The following MAGI2 variants were observed in gnomAD, a reference collection of about 807,000 sequenced individuals.
The protein encoded by MAGI2 is membrane-associated guanylate kinase, WW and PDZ domain-containing protein 2.
Under a neutral mutation model 133.3 loss-of-function variants are expected in MAGI2, and 35 were observed. The observed-to-expected ratio is 0.26, with a 90% CI of 0.20 to 0.35. MAGI2 has a LOEUF of 0.35. MAGI2 is among the 10% of genes least tolerant of loss of function. The pLI, the probability that MAGI2 is intolerant of heterozygous loss-of-function variation, is 1.00. For synonymous variants in MAGI2, 729 were observed against 710.6 expected (o/e 1.03, Z -0.41); for missense variants, 1,636 against 1,863.4 (o/e 0.88, Z 2.25).
At chr7:78,506,564 G>T (rs896993052) in intron 4 of MAGI2, among the ~76,000 whole-genome samples, 2 of 152,174 alleles carry the variant, frequency 1.3e-5, no homozygotes, top group African/African-American at 4.8e-5. Flanking sequence ...GGAAAGGGCA[G>T]CCATGGAAGC....
At chr7:79,182,681 G>C (rs948465549) in intron 1 of MAGI2, among the ~76,000 whole-genome samples, 1 of 151,906 alleles carries the variant, frequency 6.6e-6, no homozygotes, top group South Asian at 2.1e-4. Flanking sequence ...ATCCCACTAA[G>C]AGTACGTCCA....
chr7:78,940,937 T>C (rs1201670952), intron 2 of MAGI2: 3 of 152,194 alleles, frequency 2.0e-5, no homozygotes, highest in African/African-American at 7.2e-5. Context: ...TGTGTCTTCA[T>C]TCGTACATAG....
intron 1 of MAGI2, chr7:79,012,175 T>C (rs1197645175): frequency 1.3e-5 from 2 of 152,138 alleles, no homozygotes; most frequent in East Asian, 3.9e-4. Context: ...CCATAATTTC[T>C]CCCTCTTGGA....
intron 1 of MAGI2, among the ~76,000 whole-genome samples, chr7:79,396,827 A>G (rs556841565): frequency 2.0e-5 from 3 of 152,276 alleles, no homozygotes; most frequent in African/African-American, 4.8e-5. Flanking sequence ...ATTCATATAC[A>G]TTATACTTCT....
chr7:78,791,223 A>G (rs1264992989), intron 2 of MAGI2, among the ~76,000 whole-genome samples: 1 of 152,184 alleles, frequency 6.6e-6, no homozygotes, highest in Non-Finnish European at 1.5e-5. Context: ...CACAAAAAGA[A>G]AAAGAGAGAG....
intron 2 of MAGI2, among the ~76,000 whole-genome samples, chr7:78,655,008 A>G (rs1399641530): frequency 6.6e-6 from 1 of 151,828 alleles, no homozygotes; most frequent in East Asian, 1.9e-4. Flanking sequence ...CTGTTTCAGG[A>G]TAAATGCTTG....
At chr7:78,915,492 G>T (rs1425193525) in intron 2 of MAGI2, among the ~76,000 whole-genome samples, 1 of 151,584 alleles carries the variant, frequency 6.6e-6, no homozygotes, top group African/African-American at 2.4e-5. Flanking sequence ...TACACACATA[G>T]GAAAAACCTA....
At chr7:78,996,190 C>T (rs566780575) in intron 2 of MAGI2, among the ~76,000 whole-genome samples, 7 of 152,130 alleles carry the variant, frequency 4.6e-5, no homozygotes, top group Non-Finnish European at 7.4e-5. Flanking sequence ...TATAAATATG[C>T]ATATATCTTA....
chr7:78,937,382 TAGAAAC>T (rs1438881267), intron 2 of MAGI2, among the ~76,000 whole-genome samples: 2 of 152,064 alleles, frequency 1.3e-5, no homozygotes, highest in African/African-American at 4.8e-5. Context: ...AGACAAATGA[TAGAAAC>T]AGAAAATCAC....
intron 9 of MAGI2, among the ~76,000 whole-genome samples, chr7:78,272,776 T>C (rs1181445238): frequency 1.3e-5 from 2 of 152,198 alleles, no homozygotes; most frequent in East Asian, 1.9e-4. Flanking sequence ...TGCTTTTTTT[T>C]GCTTTCCATT....
intron 9 of MAGI2, among the ~76,000 whole-genome samples, chr7:78,277,268 T>A (rs749475565): frequency 3.9e-5 from 6 of 152,210 alleles, no homozygotes; most frequent in Admixed American, 6.5e-5. Flanking sequence ...TATGATTCAA[T>A]GTGTAATTCC....
chr7:78,439,025 A>C (rs2151451709), intron 6 of MAGI2, among the ~76,000 whole-genome samples: 1 of 152,322 alleles, frequency 6.6e-6, no homozygotes, highest in South Asian at 2.1e-4. Context: ...GTTCCTGGTG[A>C]ACCTGAAGAG....
chr7:79,332,334 G>A (rs1395508848), intron 1 of MAGI2, among the ~76,000 whole-genome samples: 1 of 152,210 alleles, frequency 6.6e-6, no homozygotes, highest in Non-Finnish European at 1.5e-5. Flanking sequence ...TTATTAAATT[G>A]CGTAAGCAAC....
chr7:79,062,579 G>A (rs906572075), intron 1 of MAGI2, among the ~76,000 whole-genome samples: 2 of 152,064 alleles, frequency 1.3e-5, no homozygotes, highest in Non-Finnish European at 2.9e-5. Flanking sequence ...AAAACTTTTT[G>A]TATTTTCTGC....
chr7:79,210,239 T>A (rs974884448), intron 1 of MAGI2, among the ~76,000 whole-genome samples: 1 of 152,074 alleles, frequency 6.6e-6, no homozygotes, highest in African/African-American at 2.4e-5. Context: ...TTTTTTATGC[T>A]AGACATGCTA....
At chr7:79,339,464 G>GTTTTTTT (rs71095397) in intron 1 of MAGI2, among the ~76,000 whole-genome samples, 1 of 134,540 alleles carries the variant, frequency 7.4e-6, no homozygotes, top group African/African-American at 2.7e-5. Flanking sequence ...TTTTGTTTTT[G>GTTTTTTT]TTTTTTTTTT....
intron 6 of MAGI2, among the ~76,000 whole-genome samples, chr7:78,381,168 G>C (rs913915562): frequency 6.6e-6 from 1 of 152,232 alleles, no homozygotes; most frequent in East Asian, 1.9e-4. Flanking sequence ...CCAACATGGC[G>C]AAACCTTGTC....
At chr7:78,549,133 T>C (rs564535490) in intron 3 of MAGI2, among the ~76,000 whole-genome samples, 1 of 152,314 alleles carries the variant, frequency 6.6e-6, no homozygotes, top group South Asian at 2.1e-4. Flanking sequence ...ACAAGCACTC[T>C]TGGTAAACAA....
chr7:78,019,961 C>T lies in MAGI2; in HGVS notation c.3722G>A (p.Trp1241Ter), dbSNP rs1459052331. 8 of 1,606,402 alleles carry T rather than the reference C, an allele frequency of 5.0e-6. No individual in the cohort carries two copies. Among genetic ancestry groups the T allele is most frequent in the Non-Finnish European group, 6.8e-6 (8 of 1,177,416 alleles). Residue 1241 changes from tryptophan (W) to a stop codon, truncating the protein, a stop_gained, in exon 22 of 22, where the codon TGG becomes TAG. Transcript: ENST00000354212. LOFTEE classifies it high-confidence loss of function. ...QVPEYDEPAP[W>*]SSPAAAAPGL... ...TGGGGCGGCGGCAGCGGGAGAACTC[C>T]AGGGGGCGGGTTCGTCTGTGGACGG...
Sources: gnomAD v4.1 joint callset for allele counts (sites outside exome capture counted in the v4.1 genomes callset) on GRCh38, gnomAD v4.1.1 for gene constraint, MANE v1.5 for transcripts, NCBI Gene and HGNC (gene_info 2026-07-23, HGNC 2026-07-21) for gene names.